The following AFF3 variants were observed in gnomAD, a reference collection of about 807,000 sequenced individuals.
AFF3 encodes the protein ALF transcription elongation factor 3.
A neutral mutation model predicts 129.7 loss-of-function variants in AFF3; 32 were observed. That is an observed-to-expected ratio of 0.25 (90% CI 0.19 to 0.33). AFF3 has a LOEUF of 0.33. Ranked by LOEUF, AFF3 falls within the 10% of genes least tolerant of loss-of-function variation. AFF3 has a pLI of 1.00. For synonymous variants in AFF3, 644 were observed against 635.4 expected, an observed-to-expected ratio of 1.01 and a Z score of -0.20; for missense variants, 1,373 against 1,592.0, an observed-to-expected ratio of 0.86 and a Z score of 2.34.
intron 8 of AFF3, among the ~76,000 whole-genome samples, chr2:99,776,196 TGTC>T (rs1455426667): frequency 6.6e-6 from 1 of 152,222 alleles, no homozygotes; most frequent in Admixed American, 6.5e-5. Context: ...CTTATAATTG[TGTC>T]TCTTTGGCTC....
chr2:99,761,185 C>CTT lies in AFF3; in HGVS notation c.922-8886_922-8885dup, dbSNP rs113789471. 4.7e-3 allele frequency among the ~76,000 whole-genome samples: 646 copies of CTT among 138,324 alleles called. 10 individuals carry two copies. The highest frequency in any genetic ancestry group is 0.016 in the African/African-American group (607 of 38,090). 90.7% of individuals were successfully genotyped at this position (138,324 alleles called of 152,430 possible). A position where few individuals can be genotyped will look rare whatever the true frequency, so the allele number is the denominator to read the frequency against. On this transcript the variant is annotated intron_variant, in intron 8 of 24. Coordinates refer to ENST00000672756, the MANE Select transcript of AFF3 (RefSeq NM_001386135.1). ...CTCAAGGGATACGTTCAGGTGACTT[C>CTT]TTTTTTTTTTTTTTGTATAGGCTTA...
At chr2:99,943,459 C>T (rs1434698098) in intron 7 of AFF3, among the ~76,000 whole-genome samples, 1 of 152,198 alleles carries the variant, frequency 6.6e-6, no homozygotes, top group African/African-American at 2.4e-5. Flanking sequence ...TAGAAGACTT[C>T]AGGGGTGATA....
At chr2:99,936,537 T>C (rs57360658) in intron 7 of AFF3, among the ~76,000 whole-genome samples, 31,306 of 152,062 alleles carry the variant, frequency 0.21, 4,404 homozygotes, top group African/African-American at 0.39. Context: ...GAAATGCCGT[T>C]TGAGGCTGTG....
intron 13 of AFF3, among the ~76,000 whole-genome samples, chr2:99,618,224 CTTTTTTTTTTTTTTTT>C (rs70940180): frequency 5.0e-5 from 4 of 80,078 alleles, no homozygotes; most frequent in South Asian, 3.6e-4. Context: ...TCATAACATT[CTTTTTTTTTTTTTTTT>C]TTTTTTTTTT....
intron 13 of AFF3, among the ~76,000 whole-genome samples, chr2:99,633,640 G>A (rs530194431): frequency 6.6e-6 from 1 of 152,244 alleles, no homozygotes; most frequent in Admixed American, 6.5e-5. Flanking sequence ...AAGGCTCGGT[G>A]CCGTCCTCCC....
rs775170082 is a variant in AFF3, at chr2:99,560,481, G to A, written c.3120-45C>T. ...AGGAATAGAATAAAAAACATAAAAA[G>A]CAAAGAAATAGTAAAACTAGCTTTT... On this transcript the variant is annotated intron_variant, in intron 20 of 24. Transcript: ENST00000672756. 1.7e-5 allele frequency: 26 copies of A among 1,565,422 alleles called. No individual in the cohort carries two copies. The East Asian group carries it at 5.4e-4, about 32-fold the overall frequency.
intron 7 of AFF3, among the ~76,000 whole-genome samples, chr2:99,982,949 G>A (rs1257974877): frequency 1.3e-5 from 2 of 152,098 alleles, no homozygotes; most frequent in African/African-American, 4.8e-5. Flanking sequence ...AACCCCTGAG[G>A]AACAGGATGT....
intron 4 of AFF3, among the ~76,000 whole-genome samples, chr2:100,015,287 C>A (rs970908241): frequency 6.6e-6 from 1 of 152,116 alleles, no homozygotes; most frequent in Non-Finnish European, 1.5e-5. Flanking sequence ...AACACTCTCC[C>A]CCTTTTTACA....
chr2:99,649,431 C>G (rs930361275), intron 13 of AFF3, among the ~76,000 whole-genome samples, 195 bp downstream of exon 13: 1 of 152,166 alleles, frequency 6.6e-6, no homozygotes, highest in Admixed American at 6.5e-5. Context: ...TTCATACTTG[C>G]TATGAAATAC....
At chr2:99,825,932 C>T (rs1184276609) in intron 8 of AFF3, among the ~76,000 whole-genome samples, 2 of 152,188 alleles carry the variant, frequency 1.3e-5, no homozygotes, top group African/African-American at 4.8e-5. Flanking sequence ...CCATTTGCTT[C>T]AGGACTAGAA....
chr2:100,009,040 T>A, intron 4 of AFF3, 108 bp from the exon 5 acceptor site: 3 of 1,423,236 alleles, frequency 2.1e-6, no homozygotes, highest in Non-Finnish European at 2.8e-6. Context: ...CAAATGGTGA[T>A]GACAACAAGA....
chr2:99,588,774 G>A (rs570022937), intron 15 of AFF3, among the ~76,000 whole-genome samples: 4 of 152,256 alleles, frequency 2.6e-5, no homozygotes, highest in South Asian at 2.1e-4. Flanking sequence ...CCAGCAGGGC[G>A]AGACTCCACA....
intron 11 of AFF3, among the ~76,000 whole-genome samples, chr2:99,707,908 A>G (rs918643250): frequency 1.3e-5 from 2 of 151,850 alleles, no homozygotes; most frequent in African/African-American, 2.4e-5. Context: ...TTCTTCACCT[A>G]TCTTGTATTA....
intron 2 of AFF3, 136 bp from the exon 3 acceptor site, chr2:100,105,719 C>G: frequency 7.3e-7 from 1 of 1,361,898 alleles, no homozygotes; most frequent in South Asian, 1.2e-5. Context: ...GGCCCTACCT[C>G]TGCTTCTCCA....
chr2:99,619,950 C>T (rs530253857), intron 13 of AFF3, among the ~76,000 whole-genome samples: 1 of 152,318 alleles, frequency 6.6e-6, no homozygotes, highest in African/African-American at 2.4e-5. Context: ...CGACCAACCT[C>T]CCCTGAAGAC....
At chr2:100,093,558 A>G (rs1690042381) in intron 4 of AFF3, among the ~76,000 whole-genome samples, 1 of 152,200 alleles carries the variant, frequency 6.6e-6, no homozygotes, top group Non-Finnish European at 1.5e-5. Context: ...TTCATATTCA[A>G]AGATTAAACT....
At chr2:100,036,633 A>T (rs992429272) in intron 4 of AFF3, among the ~76,000 whole-genome samples, 2 of 152,198 alleles carry the variant, frequency 1.3e-5, no homozygotes, top group Non-Finnish European at 1.5e-5. Context: ...ACATAACCAC[A>T]AAGTTACAAA....
rs1191099796 is a variant in AFF3 at position 99,546,790 on chromosome 2, A to G, written c.*4684T>C. On this transcript the variant is annotated 3_prime_UTR_variant, in exon 25 of 25. Coordinates refer to ENST00000672756, the MANE Select transcript of AFF3 (RefSeq NM_001386135.1). ...GGTTTCAGTTGTGTGCAGTTCCCTGACTGCACACAAGTCAGGGAACTAACT... is the reference window on the plus strand; with the variant it reads ...GGTTTCAGTTGTGTGCAGTTCCCTGGCTGCACACAAGTCAGGGAACTAACT... The G allele has an allele frequency of 4.7e-6, 1 of 214,842 alleles. No individual in the cohort carries two copies. Among genetic ancestry groups the G allele is most frequent in the Non-Finnish European group, 9.4e-6 (1 of 106,630 alleles). The allele number at this position is 214,842 out of a possible 1,614,324, so 13.3% of individuals were successfully genotyped here.
At chr2:99,723,219 T>TTC (rs936211238) in intron 11 of AFF3, among the ~76,000 whole-genome samples, 1 of 152,158 alleles carries the variant, frequency 6.6e-6, no homozygotes. Flanking sequence ...ATAGGATCAC[T>TTC]AAATAATATA....
Sources: gnomAD v4.1 joint callset for allele counts (sites outside exome capture counted in the v4.1 genomes callset) on GRCh38, gnomAD v4.1.1 for gene constraint, MANE v1.5 for transcripts, NCBI Gene and HGNC (gene_info 2026-07-23, HGNC 2026-07-21) for gene names.